Variants in SLC16A12 observed in about 807,000 individuals in gnomAD.
SLC16A12 encodes the protein monocarboxylate transporter 12.
In SLC16A12, 17 loss-of-function variants were observed where a neutral mutation model predicts 42.4. The observed-to-expected ratio is 0.40, with a 90% CI of 0.27 to 0.60. The LOEUF is 0.60. SLC16A12 is among the 20% of genes least tolerant of loss of function. The pLI is 0.42. For synonymous variants in SLC16A12, 224 were observed against 229.4 expected (o/e 0.98, Z 0.21); for missense variants, 544 against 623.0 (o/e 0.87, Z 1.35).
At chr10:89,517,302 C>G (rs1843269791) in intron 2 of SLC16A12, among the ~76,000 whole-genome samples, 1 of 151,824 alleles carries the variant, frequency 6.6e-6, no homozygotes, top group Non-Finnish European at 1.5e-5. Context: ...TAGAAATGTA[C>G]CTAGAATACC....
intron 2 of SLC16A12, among the ~76,000 whole-genome samples, chr10:89,520,720 C>CAAA (rs10712043): frequency 0.084 from 8,340 of 99,558 alleles, 306 homozygotes; most frequent in Non-Finnish European, 0.094. Flanking sequence ...TCACATAGGC[C>CAAA]AAAAAAAAAA....
chr10:89,451,696 TA>T (rs1460714847), intron 3 of SLC16A12, among the ~76,000 whole-genome samples: 1 of 152,132 alleles, frequency 6.6e-6, no homozygotes, highest in Non-Finnish European at 1.5e-5. Flanking sequence ...ACAAGCTTAA[TA>T]ATTTTATGTT....
In SLC16A12 at chr10:89,433,009, A is replaced by C; in HGVS notation, c.*55T>G. 1 of 1,600,048 alleles carries C rather than the reference A, an allele frequency of 6.2e-7. No homozygotes were observed. The highest frequency in any genetic ancestry group is 1.4e-5 in the African/African-American group (1 of 74,032). On this transcript the variant is annotated 3_prime_UTR_variant, in exon 8 of 8. Coordinates refer to ENST00000371790, the MANE Select transcript of SLC16A12 (RefSeq NM_213606.4). ...ATAAAAAGTTTCAGAAACATGAAGAATCTGGTGGCCCCACCTCTCTCAAAC... is the reference window on the plus strand; with the variant it reads ...ATAAAAAGTTTCAGAAACATGAAGACTCTGGTGGCCCCACCTCTCTCAAAC...
At position 89,553,495 on chromosome 10, in the gene SLC16A12, A is replaced by G. The variant is rs148267832; in HGVS notation, c.-47+2387T>C. On this transcript the variant is annotated intron_variant, in intron 2 of 2. Transcript: ENST00000475682. ...TTTAAAGTTGACAGTAGTTGTCTTA[A>G]TAGTTCGCAGGCATTTTCTCCACAT... 3.7e-4 allele frequency among the ~76,000 whole-genome samples: 56 copies of G among 152,342 alleles called. 1 individual carries two copies. Among genetic ancestry groups the G allele is most frequent in the African/African-American group, 1.3e-3 (53 of 41,586 alleles).
chr10:89,509,376 A>C (rs757031879), intron 2 of SLC16A12, among the ~76,000 whole-genome samples: 4 of 152,216 alleles, frequency 2.6e-5, no homozygotes. Flanking sequence ...CCAGTGGCAC[A>C]TCAAAAAGCT....
At chr10:89,442,159 T>C (rs545909299) in intron 4 of SLC16A12, among the ~76,000 whole-genome samples, 1 of 152,298 alleles carries the variant, frequency 6.6e-6, no homozygotes, top group African/African-American at 2.4e-5. Flanking sequence ...TTTGTATTGA[T>C]CAGACTGAAA....
chr10:89,447,301 TAC>T (rs1253392780), intron 3 of SLC16A12, among the ~76,000 whole-genome samples: 1 of 152,152 alleles, frequency 6.6e-6, no homozygotes, highest in African/African-American at 2.4e-5. Flanking sequence ...CAACAGAATA[TAC>T]ATTCTTCTCA....
intron 2 of SLC16A12, among the ~76,000 whole-genome samples, chr10:89,488,074 T>C (rs1196149023): frequency 6.7e-6 from 1 of 149,212 alleles, no homozygotes; most frequent in African/African-American, 2.4e-5. Flanking sequence ...TTTATCTATA[T>C]ATACACATAT....
intron 2 of SLC16A12, among the ~76,000 whole-genome samples, chr10:89,521,018 CTTAGAG>C (rs1405095295): frequency 5.9e-5 from 9 of 152,140 alleles, no homozygotes; most frequent in Non-Finnish European, 1.0e-4. Flanking sequence ...TGTATAGCTA[CTTAGAG>C]TTTATGTAAA....
chr10:89,477,677 A>G (rs1200681670), intron 2 of SLC16A12, among the ~76,000 whole-genome samples: 1 of 152,182 alleles, frequency 6.6e-6, no homozygotes, highest in Non-Finnish European at 1.5e-5. Flanking sequence ...AAAGACAATA[A>G]GTAAAATAAA....
At chr10:89,463,892 T>G (rs1178052210) in intron 2 of SLC16A12, among the ~76,000 whole-genome samples, 3 of 152,212 alleles carry the variant, frequency 2.0e-5, no homozygotes, top group Admixed American at 2.0e-4. Flanking sequence ...CCTATGGTCC[T>G]GACTCTGGTT....
chr10:89,533,845 A>C (rs1166833002), intron 2 of SLC16A12, among the ~76,000 whole-genome samples: 1 of 151,810 alleles, frequency 6.6e-6, no homozygotes, highest in Non-Finnish European at 1.5e-5. Flanking sequence ...AAAAAAAAAA[A>C]CATAAAAAAT....
At chr10:89,551,695 A>G (rs997829156) in intron 2 of SLC16A12, among the ~76,000 whole-genome samples, 21 of 152,048 alleles carry the variant, frequency 1.4e-4, no homozygotes, top group Non-Finnish European at 2.6e-4. Context: ...AAGAGATCTG[A>G]TGGTTTTATC....
At chr10:89,529,784 GTGATCCACCCGCCTCAACCTCCCAA>G (rs2133867859) in intron 2 of SLC16A12, among the ~76,000 whole-genome samples, 1 of 152,200 alleles carries the variant, frequency 6.6e-6, no homozygotes, top group Non-Finnish European at 1.5e-5. Flanking sequence ...CTGACCTCAG[GTGATCCACCCGCCTCAACCTCCCAA>G]AGTGCTGGAA....
chr10:89,477,757 C>G (rs941302680), intron 2 of SLC16A12, among the ~76,000 whole-genome samples: 1 of 152,062 alleles, frequency 6.6e-6, no homozygotes, highest in Non-Finnish European at 1.5e-5. Flanking sequence ...AATCATGTAA[C>G]TGTGTAAGAT....
At chr10:89,511,953 A>C (rs1012553348) in intron 2 of SLC16A12, among the ~76,000 whole-genome samples, 2 of 152,252 alleles carry the variant, frequency 1.3e-5, no homozygotes, top group Non-Finnish European at 2.9e-5. Flanking sequence ...AATGTGGCAC[A>C]TAATGGATTA....
chr10:89,552,166 C>A (rs1297266195), intron 2 of SLC16A12, among the ~76,000 whole-genome samples: 1 of 152,150 alleles, frequency 6.6e-6, no homozygotes, highest in Non-Finnish European at 1.5e-5. Flanking sequence ...GAACTCCTGA[C>A]CTTTTGATCT....
At chr10:89,439,273 G>T in intron 5 of SLC16A12, 90 bp from the exon 6 acceptor site, 1 of 1,331,320 alleles carries the variant, frequency 7.5e-7, no homozygotes, top group Non-Finnish European at 1.1e-6. Flanking sequence ...AAGAGAATCT[G>T]ACCTCTCATT....
intron 3 of SLC16A12, among the ~76,000 whole-genome samples, chr10:89,454,074 T>C (rs303165): frequency 0.095 from 14,373 of 151,806 alleles, 1,840 homozygotes; most frequent in African/African-American, 0.29. Flanking sequence ...GAGTGCAGTG[T>C]GTGTGCAGTG....
Sources: gnomAD v4.1 joint callset for allele counts (sites outside exome capture counted in the v4.1 genomes callset) on GRCh38, gnomAD v4.1.1 for gene constraint, MANE v1.5 for transcripts, NCBI Gene and HGNC (gene_info 2026-07-23, HGNC 2026-07-21) for gene names.